Variants in SAXO1 observed in about 807,000 individuals in gnomAD.
The protein encoded by SAXO1 is 4930500O09Rik.
Under a neutral mutation model 17.5 loss-of-function variants are expected in SAXO1, and 21 were observed. That is an observed-to-expected ratio of 1.20 (90% CI 0.85 to 1.72). SAXO1 has a LOEUF of 1.72. SAXO1 is among the 40% of genes most tolerant of loss of function. SAXO1 has a pLI of 0.00. For synonymous variants in SAXO1, 274 were observed against 216.5 expected (o/e 1.27, Z -2.33); for missense variants, 843 against 596.0 (o/e 1.41, Z -4.32).
intron 1 of SAXO1, among the ~76,000 whole-genome samples, chr9:19,039,418 T>C (rs1836021862): frequency 6.6e-6 from 1 of 152,226 alleles, no homozygotes; most frequent in South Asian, 2.1e-4. Flanking sequence ...ATGTGTATGA[T>C]GTGATTTAGC....
chr9:18,977,619 G>T (rs1486143627), intron 1 of SAXO1, among the ~76,000 whole-genome samples: 2 of 152,030 alleles, frequency 1.3e-5, no homozygotes, highest in Non-Finnish European at 2.9e-5. Flanking sequence ...TCTTAACTTG[G>T]GTTCCTTGAA....
chr9:18,932,891 T>G (rs1212887394), intron 3 of SAXO1, among the ~76,000 whole-genome samples: 1 of 138,298 alleles, frequency 7.2e-6, no homozygotes, highest in Admixed American at 7.7e-5. Context: ...GACATCTCGC[T>G]GAACTCATGT....
chr9:18,956,838 A>G (rs949654473), intron 1 of SAXO1, among the ~76,000 whole-genome samples: 8 of 152,242 alleles, frequency 5.3e-5, no homozygotes, highest in Non-Finnish European at 1.0e-4. Context: ...TATTGCATCT[A>G]ATCTCACAGC....
chr9:19,011,617 G>A (rs1932452), intron 1 of SAXO1, among the ~76,000 whole-genome samples: 83,838 of 151,914 alleles, frequency 0.55, 23,690 homozygotes, highest in Non-Finnish European at 0.63. Context: ...TTGGATAGAT[G>A]GGTAGATACA....
chr9:19,041,260 T>A (rs1836072543), intron 1 of SAXO1, among the ~76,000 whole-genome samples: 1 of 148,368 alleles, frequency 6.7e-6, no homozygotes, highest in African/African-American at 2.5e-5. Flanking sequence ...AGCTCTACAA[T>A]GAAAACTATA....
intron 1 of SAXO1, among the ~76,000 whole-genome samples, chr9:19,006,143 A>G (rs1049086759): frequency 1.3e-5 from 2 of 152,352 alleles, no homozygotes; most frequent in African/African-American, 4.8e-5. Context: ...AGGCTGTAGA[A>G]AAATTAGAAT....
At chr9:18,944,199 TG>T (rs1214361326) in intron 2 of SAXO1, among the ~76,000 whole-genome samples, 1 of 149,130 alleles carries the variant, frequency 6.7e-6, no homozygotes, top group East Asian at 2.1e-4. Context: ...CAAATGATTA[TG>T]GGGGGTGGGG....
At chr9:18,965,818 T>G (rs1832693585) in intron 1 of SAXO1, among the ~76,000 whole-genome samples, 1 of 152,246 alleles carries the variant, frequency 6.6e-6, no homozygotes, top group South Asian at 2.1e-4. Flanking sequence ...GCACATTAGT[T>G]GATGCAGTTT....
intron 1 of SAXO1, among the ~76,000 whole-genome samples, chr9:18,965,293 T>C (rs1832670119): frequency 1.3e-5 from 2 of 152,226 alleles, no homozygotes; most frequent in Admixed American, 1.3e-4. Flanking sequence ...AGGGCTGAGT[T>C]CAAGTCCTGA....
intron 3 of SAXO1, among the ~76,000 whole-genome samples, chr9:18,934,395 A>G (rs905937081): frequency 7.9e-5 from 12 of 152,038 alleles, no homozygotes; most frequent in African/African-American, 2.9e-4. Context: ...GGGAATCTCT[A>G]TTGAACTATC....
intron 1 of SAXO1, among the ~76,000 whole-genome samples, chr9:18,984,999 A>C (rs1833537665): frequency 6.6e-6 from 1 of 152,010 alleles, no homozygotes; most frequent in Non-Finnish European, 1.5e-5. Context: ...AATTGCCCTA[A>C]TTTCAATTAT....
chr9:19,036,194 T>C (rs926099690), upstream of SAXO1, among the ~76,000 whole-genome samples: 5 of 148,820 alleles, frequency 3.4e-5, no homozygotes, highest in Admixed American at 1.4e-4. Flanking sequence ...CCATGGCACA[T>C]GTATACCCAT....
intron 1 of SAXO1, among the ~76,000 whole-genome samples, chr9:18,977,979 G>A (rs7873306): frequency 0.08 from 9,700 of 120,986 alleles, 596 homozygotes; most frequent in Middle Eastern, 0.18. Context: ...CTGGGTAAGA[G>A]AATGAGACCC....
intron 1 of SAXO1, among the ~76,000 whole-genome samples, chr9:19,010,714 G>T (rs1834695619): frequency 6.6e-6 from 1 of 152,092 alleles, no homozygotes; most frequent in Non-Finnish European, 1.5e-5. Context: ...ATTACAGGCA[G>T]GTAAGCTTAT....
chr9:19,034,441 C>G (rs981650661), upstream of SAXO1, among the ~76,000 whole-genome samples: 9 of 152,106 alleles, frequency 5.9e-5, no homozygotes, highest in African/African-American at 2.2e-4. Flanking sequence ...ACAAATGAAA[C>G]TTACCTAAAA....
At chr9:19,003,030 G>A (rs912805334) in intron 1 of SAXO1, among the ~76,000 whole-genome samples, 1 of 152,136 alleles carries the variant, frequency 6.6e-6, no homozygotes. Context: ...AAGCTGATAA[G>A]CAACTTCAGC....
chr9:19,010,142 T>TA (rs111620008), intron 1 of SAXO1, among the ~76,000 whole-genome samples: 40,858 of 117,208 alleles, frequency 0.35, 6,180 homozygotes, highest in African/African-American at 0.5. Context: ...ATTTTTAATC[T>TA]AAAAAAAAAC....
intron 2 of SAXO1, chr9:18,947,627 G>A (rs1831852376): frequency 1.3e-5 from 2 of 152,194 alleles, no homozygotes; most frequent in Non-Finnish European, 2.9e-5. Flanking sequence ...GGATCCAAGT[G>A]TTTTACATGG....
chr9:18,969,976 T>G (rs535708665), intron 1 of SAXO1, among the ~76,000 whole-genome samples: 5 of 152,358 alleles, frequency 3.3e-5, no homozygotes, highest in African/African-American at 1.2e-4. Flanking sequence ...CTGATTCCTC[T>G]CTGAGGAAAA....
Sources: gnomAD v4.1 joint callset for allele counts (sites outside exome capture counted in the v4.1 genomes callset) on GRCh38, gnomAD v4.1.1 for gene constraint, MANE v1.5 for transcripts, NCBI Gene and HGNC (gene_info 2026-07-23, HGNC 2026-07-21) for gene names.